DOCK3: variants seen among roughly 807,000 people sequenced by gnomAD.
The protein encoded by DOCK3 is dedicator of cytokinesis protein 3.
Under a neutral mutation model 265.6 loss-of-function variants are expected in DOCK3, and 60 were observed. The ratio of observed to expected loss-of-function variants is 0.23; its 90% confidence interval spans 0.18 to 0.28. DOCK3 has a LOEUF of 0.28. Among genes scored for constraint, DOCK3 ranks in the 10% least tolerant of loss-of-function variants. DOCK3 has a pLI of 1.00. For missense variants in DOCK3, 1,981 were observed against 2,594.3 expected, an observed-to-expected ratio of 0.76 and a Z score of 5.14; for synonymous variants, 881 against 938.0, an observed-to-expected ratio of 0.94 and a Z score of 1.11.
chr3:51,155,084 A>T (rs1560135892), intron 10 of DOCK3, among the ~76,000 whole-genome samples: 2 of 151,976 alleles, frequency 1.3e-5, no homozygotes, highest in Non-Finnish European at 2.9e-5. Context: ...GCTCTAAGCA[A>T]TCCTCCTGCC....
At chr3:50,689,452 C>G (rs1174154869) in intron 1 of DOCK3, among the ~76,000 whole-genome samples, 1 of 152,148 alleles carries the variant, frequency 6.6e-6, no homozygotes, top group African/African-American at 2.4e-5. Flanking sequence ...GGGGGAAAAG[C>G]CCCTTGTGAA....
intron 5 of DOCK3, among the ~76,000 whole-genome samples, chr3:50,978,457 G>A (rs953193659): frequency 3.6e-4 from 55 of 152,276 alleles, no homozygotes; most frequent in Non-Finnish European, 6.3e-4. Context: ...TAGGCTGCTC[G>A]GGGGTCAGGT....
chr3:50,965,139 G>A (rs573028401), intron 5 of DOCK3, among the ~76,000 whole-genome samples: 1 of 151,978 alleles, frequency 6.6e-6, no homozygotes, highest in Non-Finnish European at 1.5e-5. Context: ...TGACTACAGT[G>A]GAATTAAATT....
At chr3:51,017,446 C>A (rs555424550) in intron 5 of DOCK3, among the ~76,000 whole-genome samples, 1 of 151,292 alleles carries the variant, frequency 6.6e-6, no homozygotes, top group Admixed American at 6.6e-5. Context: ...TAAGATGTAT[C>A]ATTGGGTTGT....
At chr3:51,068,322 C>T (rs1421604887) in intron 6 of DOCK3, among the ~76,000 whole-genome samples, 4 of 151,842 alleles carry the variant, frequency 2.6e-5, no homozygotes, top group Non-Finnish European at 4.4e-5. Context: ...GGGCAGATCA[C>T]GAGGTCAAGA....
At chr3:51,341,467 G>A in intron 38 of DOCK3, 82 bp downstream of exon 38, 1 of 1,563,744 alleles carries the variant, frequency 6.4e-7, no homozygotes, top group Non-Finnish European at 8.7e-7. Context: ...GTTAACAGCA[G>A]CTGCAGGGGG....
intron 12 of DOCK3, among the ~76,000 whole-genome samples, chr3:51,185,740 T>C (rs963166594): frequency 6.6e-6 from 1 of 152,144 alleles, no homozygotes; most frequent in East Asian, 1.9e-4. Context: ...CTCATGATAG[T>C]GAATGGGTCT....
In DOCK3 at chr3:51,041,173, TATATATATATATATATATATATATATATA is replaced by T. The variant is rs1250209191; in HGVS notation, c.316-23274_316-23246del. On this transcript the variant is annotated intron_variant, in intron 5 of 52. Coordinates refer to ENST00000266037, the MANE Select transcript of DOCK3 (RefSeq NM_004947.5). Reference sequence around the variant, plus strand: ...CAGCCTTACAAAATGTATATATATATATATATATATATATATATATATATATATATATTTTTTTTTTTTTTTTTTTTTTT... The same window carrying T: ...CAGCCTTACAAAATGTATATATATATTATTTTTTTTTTTTTTTTTTTTTTT... 1.6e-3 allele frequency among the ~76,000 whole-genome samples: 17 copies of T among 10,912 alleles called. 1 individual carries two copies. The highest frequency in any genetic ancestry group is 4.6e-3 in the African/African-American group (17 of 3,678). The allele number at this position is 10,912 out of a possible 152,430, so 7.2% of individuals were successfully genotyped here. A position where few individuals can be genotyped will look rare whatever the true frequency, so the allele number is the denominator to read the frequency against.
At chr3:50,684,673 A>G (rs928377380) in intron 1 of DOCK3, among the ~76,000 whole-genome samples, 3 of 152,196 alleles carry the variant, frequency 2.0e-5, no homozygotes, top group East Asian at 1.9e-4. Flanking sequence ...TTATCCCGAC[A>G]ATACTTCTTT....
chr3:51,165,307 T>C (rs977323455), intron 12 of DOCK3, among the ~76,000 whole-genome samples: 1 of 152,230 alleles, frequency 6.6e-6, no homozygotes, highest in Non-Finnish European at 1.5e-5. Flanking sequence ...CCTAGCCTTA[T>C]TGAGTTATAA....
At chr3:50,704,694 C>T (rs1393306242) in intron 1 of DOCK3, among the ~76,000 whole-genome samples, 2 of 149,718 alleles carry the variant, frequency 1.3e-5, no homozygotes, top group Admixed American at 6.7e-5. Context: ...GGCTCAATCT[C>T]GGATCACTGA....
In DOCK3 at chr3:51,309,612, GGAGAGGGAGAGCGAGAGC is replaced by G. The variant is rs1484593076; in HGVS notation, c.2923-614_2923-597del. Among the ~76,000 whole-genome samples the G allele has an allele frequency of 5.2e-3, 724 of 139,582 alleles. 3 individuals carry two copies. The highest frequency in any genetic ancestry group is 0.019 in the East Asian group (86 of 4,644). The allele number at this position is 139,582 out of a possible 152,430, so 91.6% of individuals were successfully genotyped here. On this transcript the variant is annotated intron_variant, in intron 27 of 52. Transcript: ENST00000266037. ...AGGGAGACCGTGGGGAGAGGGAGAGGGAGAGGGAGAGCGAGAGCGAGAGCGAGAGCGAGAGCGAGAGCT... is the reference window on the plus strand; with the variant it reads ...AGGGAGACCGTGGGGAGAGGGAGAGGGAGAGCGAGAGCGAGAGCGAGAGCT...
intron 27 of DOCK3, among the ~76,000 whole-genome samples, chr3:51,308,950 C>T (rs1188391721): frequency 1.8e-4 from 24 of 135,302 alleles, no homozygotes; most frequent in African/African-American, 6.3e-4. Flanking sequence ...CAGACGGGGT[C>T]GCGGCCGGGC....
intron 1 of DOCK3, among the ~76,000 whole-genome samples, chr3:50,748,569 A>C (rs1285133917): frequency 6.6e-6 from 1 of 152,192 alleles, no homozygotes; most frequent in East Asian, 1.9e-4. Context: ...CTCTTCAAGG[A>C]AGAAAGAAAT....
At chr3:50,767,933 T>C (rs2041007525) in intron 1 of DOCK3, among the ~76,000 whole-genome samples, 1 of 152,156 alleles carries the variant, frequency 6.6e-6, no homozygotes, top group Admixed American at 6.5e-5. Flanking sequence ...TATTGGTGTA[T>C]AGGAATGCTT....
intron 38 of DOCK3, among the ~76,000 whole-genome samples, chr3:51,344,942 A>G (rs937606628): frequency 6.6e-6 from 1 of 152,178 alleles, no homozygotes; most frequent in Admixed American, 6.5e-5. Context: ...TAGGGCAGAG[A>G]TGCCGGCAAG....
At chr3:51,333,454 C>T (rs1374716172) in intron 35 of DOCK3, among the ~76,000 whole-genome samples, 1 of 152,108 alleles carries the variant, frequency 6.6e-6, no homozygotes, top group East Asian at 1.9e-4. Flanking sequence ...CTAGGGCCTC[C>T]TGGGATTCCC....
chr3:50,767,099 C>T (rs1338051770), intron 1 of DOCK3, among the ~76,000 whole-genome samples: 1 of 152,144 alleles, frequency 6.6e-6, no homozygotes, highest in Non-Finnish European at 1.5e-5. Context: ...GTTTCTTTTG[C>T]TGTGCAGAAG....
chr3:50,898,620 CT>C (rs1317792676), intron 4 of DOCK3: 4 of 152,208 alleles, frequency 2.6e-5, no homozygotes, highest in African/African-American at 7.2e-5. Context: ...GCATTTAGTG[CT>C]ATAAATTTCC....
Sources: gnomAD v4.1 joint callset for allele counts (sites outside exome capture counted in the v4.1 genomes callset) on GRCh38, gnomAD v4.1.1 for gene constraint, MANE v1.5 for transcripts, NCBI Gene and HGNC (gene_info 2026-07-23, HGNC 2026-07-21) for gene names.